Variants in CACNA2D4 observed in about 807,000 individuals in gnomAD.
The protein encoded by CACNA2D4 is voltage-dependent calcium channel subunit alpha-2/delta-4.
In CACNA2D4, 157 loss-of-function variants were observed where a neutral mutation model predicts 163.8. The ratio of observed to expected loss-of-function variants is 0.96; its 90% CI spans 0.84 to 1.09. The LOEUF (loss-of-function observed/expected upper bound fraction) is 1.09. CACNA2D4 is among the 50% of genes least tolerant of loss of function. The probability of loss-of-function intolerance (pLI) is 0.00; values close to 1 mark genes in which losing one functional copy is unlikely to be tolerated. For synonymous variants in CACNA2D4, 598 were observed against 586.9 expected (o/e 1.02, Z -0.27); for missense variants, 1,410 against 1,479.9 (o/e 0.95, Z 0.78).
intron 18 of CACNA2D4, among the ~76,000 whole-genome samples, chr12:1,862,015 A>C (rs955559765): frequency 1.3e-5 from 2 of 152,188 alleles, no homozygotes; most frequent in Admixed American, 1.3e-4. Context: ...GTTCAAAATA[A>C]TGTTTTCAGC....
chr12:1,863,944 C>T (rs1000310731), intron 18 of CACNA2D4, among the ~76,000 whole-genome samples: 15 of 152,048 alleles, frequency 9.9e-5, no homozygotes, highest in African/African-American at 3.4e-4. Context: ...TAAAAAGTGC[C>T]AGCCCTTGAG....
chr12:1,862,028 C>G (rs541233929), intron 18 of CACNA2D4, among the ~76,000 whole-genome samples: 1 of 152,232 alleles, frequency 6.6e-6, no homozygotes, highest in Non-Finnish European at 1.5e-5. Context: ...TTTTCAGCGT[C>G]CGTCTATATT....
rs1867054328 is a variant in CACNA2D4, at chr12:1,918,491, C to T, written c.-18G>A. The T allele has an allele frequency of 6.5e-7, 1 of 1,544,704 alleles. No individual in the cohort carries two copies. Among genetic ancestry groups the T allele is most frequent in the Admixed American group, 2.0e-5 (1 of 50,810 alleles). On this transcript the variant is annotated 5_prime_UTR_variant, in exon 1 of 38. Coordinates refer to ENST00000382722, the MANE Select transcript of CACNA2D4 (RefSeq NM_172364.5). ...CAGACCATGAGCTCTGTCTGCCTTCCTCCCAGACCCCAGGACGCCCCAGGC... is the reference window on the plus strand; with the variant it reads ...CAGACCATGAGCTCTGTCTGCCTTCTTCCCAGACCCCAGGACGCCCCAGGC...
At position 1,829,064 on chromosome 12, in the gene CACNA2D4, A is replaced by G. The variant is rs991863516; in HGVS notation, c.2551+11675T>C. Among the ~76,000 whole-genome samples, 7 of 152,232 alleles carry G rather than the reference A, an allele frequency of 4.6e-5. No homozygotes were observed. Among genetic ancestry groups the G allele is most frequent in the African/African-American group, 1.7e-4 (7 of 41,464 alleles). On this transcript the variant is annotated intron_variant, in intron 26 of 37. Coordinates refer to ENST00000382722, the MANE Select transcript of CACNA2D4 (RefSeq NM_172364.5). The surrounding 1 kb of genome is among the most constrained non-coding windows in gnomAD (Gnocchi z 4.2). ...AGAGAGGCTGGCCCCTGAGTGACTC[A>G]GATCTCCTTTCAGCCTCATTCTAGA...
chr12:1,867,346 T>C (rs1188539364), intron 18 of CACNA2D4, among the ~76,000 whole-genome samples: 1 of 152,088 alleles, frequency 6.6e-6, no homozygotes, highest in Non-Finnish European at 1.5e-5. Flanking sequence ...ATTAGACCAC[T>C]TGATACCATC....
At chr12:1,808,284 T>C (rs549760114) in intron 29 of CACNA2D4, among the ~76,000 whole-genome samples, 1 of 152,244 alleles carries the variant, frequency 6.6e-6, no homozygotes, top group Non-Finnish European at 1.5e-5. Flanking sequence ...CTACAGCCCG[T>C]AGGCCAAGCC....
At chr12:1,823,971 A>T (rs1158897517) in intron 26 of CACNA2D4, among the ~76,000 whole-genome samples, 4 of 152,248 alleles carry the variant, frequency 2.6e-5, no homozygotes, top group Non-Finnish European at 4.4e-5. Context: ...GAGCCATATG[A>T]TTCCATTTGC....
At chr12:1,899,802 T>C (rs1449761392) in intron 6 of CACNA2D4, among the ~76,000 whole-genome samples, 1 of 152,100 alleles carries the variant, frequency 6.6e-6, no homozygotes, top group Middle Eastern at 3.2e-3. Context: ...TTTGAAAACC[T>C]AACAAGGATA....
In CACNA2D4 at chr12:1,844,764, A is replaced by G. The variant is rs984937755; in HGVS notation, c.2343-235T>C. Among the ~76,000 whole-genome samples the G allele has an allele frequency of 1.3e-5, 2 of 152,188 alleles. No individual in the cohort carries two copies. The highest frequency in any genetic ancestry group is 3.9e-4 in the East Asian group (2 of 5,192). ...CATAGGGTCTGTAGAGTGAGGGGATACTTTCCATTTTTATGTAAACTCTTT... is the reference window on the plus strand; with the variant it reads ...CATAGGGTCTGTAGAGTGAGGGGATGCTTTCCATTTTTATGTAAACTCTTT... On this transcript the variant is annotated intron_variant, in intron 24 of 37. Coordinates refer to ENST00000382722, the MANE Select transcript of CACNA2D4 (RefSeq NM_172364.5). The surrounding 1 kb of genome is among the most constrained non-coding windows in gnomAD (Gnocchi z 4.2).
At chr12:1,909,455 A>G (rs556492952) in intron 4 of CACNA2D4, among the ~76,000 whole-genome samples, 1 of 152,212 alleles carries the variant, frequency 6.6e-6, no homozygotes, top group African/African-American at 2.4e-5. Context: ...CAGCCTCCCA[A>G]AGTGCTGGGA....
chr12:1,809,886 C>T (rs1565676957), intron 29 of CACNA2D4, among the ~76,000 whole-genome samples: 2 of 152,074 alleles, frequency 1.3e-5, no homozygotes, highest in African/African-American at 4.8e-5. Context: ...GAAAGGCAGG[C>T]GGGGGTTGGG....
intron 26 of CACNA2D4, chr12:1,831,551 C>A: frequency 6.3e-7 from 1 of 1,581,748 alleles, no homozygotes; most frequent in South Asian, 1.1e-5. Context: ...CCTGCTGGGG[C>A]CCGAGGGATT....
intron 23 of CACNA2D4, among the ~76,000 whole-genome samples, chr12:1,847,148 C>T (rs986446116): frequency 1.3e-5 from 2 of 152,228 alleles, no homozygotes; most frequent in African/African-American, 4.8e-5. Context: ...GCACTGCATA[C>T]ACCCACCCAG....
intron 6 of CACNA2D4, among the ~76,000 whole-genome samples, chr12:1,895,422 C>A (rs57372477): frequency 6.6e-6 from 1 of 151,902 alleles, no homozygotes; most frequent in Non-Finnish European, 1.5e-5. Context: ...CTAAAGCAAT[C>A]CTGAGTAAAA....
rs1486232064 is a variant in CACNA2D4, at chr12:1,907,438, A to T, written c.781+2T>A. ...CGGGGAGATGCAACTCCATGTCCTT[A>T]CCTGGATAGATCCTGAAGAATCCAG... is the stretch of plus-strand genomic sequence containing the variant. On this transcript the variant is annotated splice_donor_variant, in intron 6 of 37. Transcript: ENST00000382722. LOFTEE classifies it high-confidence loss of function. The T allele has an allele frequency of 6.2e-7, 1 of 1,613,748 alleles. No individual in the cohort carries two copies. The highest frequency in any genetic ancestry group is 8.5e-7 in the Non-Finnish European group (1 of 1,179,712).
chr12:1,878,591 C>T lies in CACNA2D4; in HGVS notation c.1645-202G>A, dbSNP rs1865929043. The T allele has an allele frequency of 5.2e-6, 5 of 954,012 alleles. No homozygotes were observed. The highest frequency in any genetic ancestry group is 8.0e-6 in the Non-Finnish European group (5 of 625,974). The allele number at this position is 954,012 out of a possible 1,614,324, so 59.1% of individuals were successfully genotyped here. On this transcript the variant is annotated intron_variant, in intron 15 of 37. Coordinates refer to ENST00000382722, the MANE Select transcript of CACNA2D4 (RefSeq NM_172364.5). This position sits in a 1 kb window ranked among gnomAD's most constrained non-coding sequence, Gnocchi z 4.6. ...TTCCAAACCGGACTGTTTATAGCAA[C>T]CGTCATCATACATATTATTACCTGA... is the stretch of plus-strand genomic sequence containing the variant.
At chr12:1,853,437 G>C (rs996870875) in intron 23 of CACNA2D4, among the ~76,000 whole-genome samples, 3 of 151,394 alleles carry the variant, frequency 2.0e-5, no homozygotes, top group Non-Finnish European at 4.4e-5. Flanking sequence ...TCACAATGTT[G>C]AATCTTCCTA....
rs1863364314 is a variant in CACNA2D4, at chr12:1,802,241, C to G, written c.2722-597G>C. On this transcript the variant is annotated intron_variant, in intron 29 of 37. Transcript: ENST00000382722. This position sits in a 1 kb window ranked among gnomAD's most constrained non-coding sequence, Gnocchi z 4.7. ...CATTTGTCCCCTCCATGACAATGAC[C>G]TAACCGGATCCCTTGCCCTGTCTCC... Among the ~76,000 whole-genome samples, 1 of 152,110 alleles carries G rather than the reference C, an allele frequency of 6.6e-6. No individual in the cohort carries two copies. The highest frequency in any genetic ancestry group is 2.4e-5 in the African/African-American group (1 of 41,406).
intron 35 of CACNA2D4, among the ~76,000 whole-genome samples, chr12:1,797,099 G>C (rs1438013865): frequency 6.6e-6 from 1 of 152,240 alleles, no homozygotes; most frequent in African/African-American, 2.4e-5. Flanking sequence ...CACTCGCCCA[G>C]AGACGCCGTG....
Sources: allele counts gnomAD v4.1 joint callset (sites outside exome capture counted in the v4.1 genomes callset), GRCh38; gene constraint gnomAD v4.1.1; non-coding constraint Gnocchi (gnomAD v3.1); transcripts MANE v1.5; gene names NCBI Gene and HGNC (gene_info 2026-07-23, HGNC 2026-07-21).